The following JAKMIP1 variants were observed in gnomAD, a reference collection of about 807,000 sequenced individuals.
The protein encoded by JAKMIP1 is janus kinase and microtubule-interacting protein 1.
In JAKMIP1, 33 loss-of-function variants were observed where a neutral mutation model predicts 113.0. The ratio of observed to expected loss-of-function variants is 0.29; its 90% CI spans 0.22 to 0.39. JAKMIP1 has a LOEUF of 0.39. Ranked by LOEUF, JAKMIP1 falls within the 10% of genes least tolerant of loss-of-function variation. The pLI is 1.00. For missense variants in JAKMIP1, 813 were observed against 1,080.5 expected (o/e 0.75, Z 3.47); for synonymous variants, 480 against 459.9 (o/e 1.04, Z -0.56).
Position 6,193,635 on chromosome 4 carries a change from C to T in JAKMIP1, c.-148+6618G>A, listed in dbSNP as rs1314969687. 6.6e-6 allele frequency among the ~76,000 whole-genome samples: 1 copy of T among 152,212 alleles called. No individual in the cohort carries two copies. The highest frequency in any genetic ancestry group is 1.5e-5 in the Non-Finnish European group (1 of 68,042). ...GCACTCGGCTGGCTCCCGCATCGTC[C>T]CTCCTGCCTCGGGGTGCTCCCATGC... is the stretch of plus-strand genomic sequence containing the variant. On this transcript the variant is annotated intron_variant, in intron 1 of 20. Coordinates refer to ENST00000409021, the MANE Select transcript of JAKMIP1 (RefSeq NM_001099433.2). The surrounding 1 kb of genome is among the most constrained non-coding windows in gnomAD (Gnocchi z 6.4).
At chr4:6,109,411 G>A (rs1354764159) in intron 2 of JAKMIP1, among the ~76,000 whole-genome samples, 1 of 151,978 alleles carries the variant, frequency 6.6e-6, no homozygotes, top group Non-Finnish European at 1.5e-5. Flanking sequence ...GAGATTACAG[G>A]CATGAGCCAC....
chr4:6,188,205 G>C lies in JAKMIP1; in HGVS notation c.-148+12048C>G, dbSNP rs1726853527. Among the ~76,000 whole-genome samples the C allele has an allele frequency of 6.6e-6, 1 of 152,150 alleles. No individual in the cohort carries two copies. Among genetic ancestry groups the C allele is most frequent in the African/African-American group, 2.4e-5 (1 of 41,434 alleles). On this transcript the variant is annotated intron_variant, in intron 1 of 20. Transcript: ENST00000409021. This position sits in a 1 kb window ranked among gnomAD's most constrained non-coding sequence, Gnocchi z 5.8. ...TGGGTTGGAAGATTGGAAGTCTACA[G>C]CTTGACCTTCTTACAAGGAGGCAGA...
Position 6,162,007 on chromosome 4 carries a change from G to C in JAKMIP1, c.-148+38246C>G, listed in dbSNP as rs984389619. Among the ~76,000 whole-genome samples the C allele has an allele frequency of 1.3e-5, 2 of 152,002 alleles. No individual in the cohort carries two copies. The highest frequency in any genetic ancestry group is 2.9e-5 in the Non-Finnish European group (2 of 68,030). On this transcript the variant is annotated intron_variant, in intron 1 of 20. Transcript: ENST00000409021. The surrounding 1 kb of genome is among the most constrained non-coding windows in gnomAD (Gnocchi z 5.6). Reference sequence around the variant, plus strand: ...CCCCACGGTGTCTGCCTCACACCACGGGTACATGGTGCCTCCTTGATGGAG... The same window carrying C: ...CCCCACGGTGTCTGCCTCACACCACCGGTACATGGTGCCTCCTTGATGGAG...
At position 6,143,314 on chromosome 4, in the gene JAKMIP1, C is replaced by G. The variant is rs1009225684; in HGVS notation, c.-147-30317G>C. Among the ~76,000 whole-genome samples the G allele has an allele frequency of 6.6e-6, 1 of 152,204 alleles. No individual in the cohort carries two copies. Among genetic ancestry groups the G allele is most frequent in the Non-Finnish European group, 1.5e-5 (1 of 68,038 alleles). On this transcript the variant is annotated intron_variant, in intron 1 of 20. Coordinates refer to ENST00000409021, the MANE Select transcript of JAKMIP1 (RefSeq NM_001099433.2). This position sits in a 1 kb window ranked among gnomAD's most constrained non-coding sequence, Gnocchi z 4.9. The stretch of plus-strand genomic sequence containing the variant: ...ACTTGGGGGCTTCCTGACTTCCTGT[C>G]TGAATCTCAGCCAATTCTGGGATCT...
Position 6,050,713 on chromosome 4 carries a change from G to T in JAKMIP1, c.1807-34C>A. ...AAGATTCGGTTTAAAAACAGAATGT[G>T]ACCGGATTATTTACCACTTGCCATT... On this transcript the variant is annotated intron_variant, in intron 13 of 20. Transcript: ENST00000409021. This position sits in a 1 kb window ranked among gnomAD's most constrained non-coding sequence, Gnocchi z 7.4. 2 of 1,490,820 alleles carry T rather than the reference G, an allele frequency of 1.3e-6. No individual in the cohort carries two copies. The highest frequency in any genetic ancestry group is 1.2e-5 in the South Asian group (1 of 82,696). 92.3% of individuals were successfully genotyped at this position (1,490,820 alleles called of 1,614,324 possible). A position where few individuals can be genotyped will look rare whatever the true frequency, so the allele number is the denominator to read the frequency against.
rs144649770 is a variant in JAKMIP1 at position 6,135,983 on chromosome 4, C to A, written c.-147-22986G>T. Among the ~76,000 whole-genome samples the A allele has an allele frequency of 7.4e-3, 1,128 of 152,274 alleles. 13 individuals are homozygous for A. The highest frequency in any genetic ancestry group is 0.025 in the African/African-American group (1,047 of 41,536). On this transcript the variant is annotated intron_variant, in intron 1 of 20. Coordinates refer to ENST00000409021, the MANE Select transcript of JAKMIP1 (RefSeq NM_001099433.2). The surrounding 1 kb of genome is among the most constrained non-coding windows in gnomAD (Gnocchi z 4.9). ...GACCGAGGCTGGGCACAGTGGCTCA[C>A]ACCTGTAATCCCAGCACTTTGAGAG...
At position 6,153,799 on chromosome 4, in the gene JAKMIP1, A is replaced by G. The variant is rs1208909339; in HGVS notation, c.-147-40802T>C. Among the ~76,000 whole-genome samples, 1 of 152,226 alleles carries G rather than the reference A, an allele frequency of 6.6e-6. No individual in the cohort carries two copies. Among genetic ancestry groups the G allele is most frequent in the Admixed American group, 6.5e-5 (1 of 15,284 alleles). ...TTTTATAACTATAAGATACAGTTAT[A>G]TTTTCCCTAATGCACACTAAAGTAT... On this transcript the variant is annotated intron_variant, in intron 1 of 20. Transcript: ENST00000409021. The surrounding 1 kb of genome is among the most constrained non-coding windows in gnomAD (Gnocchi z 4.9).
At position 6,187,720 on chromosome 4, in the gene JAKMIP1, C is replaced by G. The variant is rs1364706597; in HGVS notation, c.-148+12533G>C. Among the ~76,000 whole-genome samples the G allele has an allele frequency of 6.6e-6, 1 of 152,206 alleles. No homozygotes were observed. Among genetic ancestry groups the G allele is most frequent in the Non-Finnish European group, 1.5e-5 (1 of 68,042 alleles). ...TAAATTTCTATTGTTTATAAGCTAT[C>G]CAGTCTAAGGTGTTTTGTTATAGCA... On this transcript the variant is annotated intron_variant, in intron 1 of 20. Transcript: ENST00000409021. The surrounding 1 kb of genome is among the most constrained non-coding windows in gnomAD (Gnocchi z 4.2).
chr4:6,170,965 C>G (rs1369604150), intron 1 of JAKMIP1, among the ~76,000 whole-genome samples: 2 of 150,404 alleles, frequency 1.3e-5, no homozygotes, highest in African/African-American at 4.9e-5. Flanking sequence ...TCACCATAAC[C>G]CACCATCACT....
intron 3 of JAKMIP1, among the ~76,000 whole-genome samples, chr4:6,098,382 G>A (rs1578224114): frequency 6.6e-6 from 1 of 151,894 alleles, no homozygotes; most frequent in East Asian, 1.9e-4. Context: ...GCAGTAAGCC[G>A]AGATCACAGC....
chr4:6,134,593 A>G (rs566078583), intron 1 of JAKMIP1, among the ~76,000 whole-genome samples: 169 of 152,288 alleles, frequency 1.1e-3, no homozygotes, highest in African/African-American at 3.7e-3. Flanking sequence ...CCTGTCTCAC[A>G]GCTCTGATCA....
At chr4:6,114,184 C>T (rs1009588761) in intron 1 of JAKMIP1, among the ~76,000 whole-genome samples, 1 of 152,206 alleles carries the variant, frequency 6.6e-6, no homozygotes, top group Non-Finnish European at 1.5e-5. Context: ...GGAGGGAACA[C>T]TCCAGTGTCA....
chr4:6,029,637 G>A, intron 20 of JAKMIP1, 79 bp downstream of exon 20: 2 of 934,234 alleles, frequency 2.1e-6, no homozygotes, highest in Non-Finnish European at 3.4e-6. Context: ...CTATGCTTTG[G>A]ACCTTATGAA....
rs1033455565 is a variant in JAKMIP1, at chr4:6,064,386, G to A, written c.1431+494C>T. 6.6e-6 allele frequency among the ~76,000 whole-genome samples: 1 copy of A among 152,208 alleles called. No homozygotes were observed. The highest frequency in any genetic ancestry group is 6.5e-5 in the Admixed American group (1 of 15,286). On this transcript the variant is annotated intron_variant, in intron 9 of 20. Transcript: ENST00000409021. The surrounding 1 kb of genome is among the most constrained non-coding windows in gnomAD (Gnocchi z 4.3). The stretch of plus-strand genomic sequence containing the variant: ...GGTGGTCAGGACAGGGTGAGGCGGT[G>A]ACCTTGGGGTGATGGGACTTCAGGG...
intron 13 of JAKMIP1, among the ~76,000 whole-genome samples, chr4:6,052,489 T>C (rs2108769694): frequency 6.6e-6 from 1 of 151,446 alleles, no homozygotes; most frequent in South Asian, 2.1e-4. Context: ...CTACTAAAAA[T>C]ACAAAAATTA....
intron 1 of JAKMIP1, among the ~76,000 whole-genome samples, chr4:6,134,486 G>C (rs996939484): frequency 6.6e-6 from 1 of 151,398 alleles, no homozygotes; most frequent in Admixed American, 6.6e-5. Flanking sequence ...AATTCAGCTT[G>C]GGCATCACCT....
At chr4:6,163,085 T>C (rs1723157439) in intron 1 of JAKMIP1, among the ~76,000 whole-genome samples, 1 of 152,250 alleles carries the variant, frequency 6.6e-6, no homozygotes, top group South Asian at 2.1e-4. Context: ...CCCAGGGTTC[T>C]GCAGAGTTCA....
At chr4:6,068,403 A>G (rs1718474758) in intron 8 of JAKMIP1, among the ~76,000 whole-genome samples, 1 of 152,136 alleles carries the variant, frequency 6.6e-6, no homozygotes, top group Non-Finnish European at 1.5e-5. Context: ...TAGAGCAGAA[A>G]CCAAACACAA....
chr4:6,170,028 CCCATCACCACCACCACCA>C (rs1358209334), intron 1 of JAKMIP1, among the ~76,000 whole-genome samples: 1 of 131,944 alleles, frequency 7.6e-6, no homozygotes, highest in Admixed American at 7.5e-5. Flanking sequence ...CCACCACATT[CCCATCACCACCACCACCA>C]CCATCACCAC....
Sources: gnomAD v4.1 joint callset for allele counts (sites outside exome capture counted in the v4.1 genomes callset) on GRCh38, gnomAD v4.1.1 for gene constraint, Gnocchi (gnomAD v3.1) non-coding constraint, MANE v1.5 for transcripts, NCBI Gene and HGNC (gene_info 2026-07-23, HGNC 2026-07-21) for gene names.